The following ADD3 variants were observed in gnomAD, a reference collection of about 807,000 sequenced individuals.
ADD3 encodes gamma-adducin.
Under a neutral mutation model 80.2 loss-of-function variants are expected in ADD3, and 25 were observed. The observed-to-expected ratio is 0.31, with a 90% confidence interval of 0.23 to 0.44. The LOEUF is 0.44. ADD3 is among the 20% of genes least tolerant of loss of function. The probability of loss-of-function intolerance (pLI) is 1.00; values close to 1 mark genes in which losing one functional copy is unlikely to be tolerated. For missense variants in ADD3, 829 were observed against 847.5 expected (o/e 0.98, Z 0.27); for synonymous variants, 284 against 289.6 (o/e 0.98, Z 0.20).
intron 1 of ADD3, among the ~76,000 whole-genome samples, chr10:110,035,760 G>T (rs911038515): frequency 1.3e-5 from 2 of 152,202 alleles, no homozygotes; most frequent in African/African-American, 4.8e-5. Context: ...CACGTTACCA[G>T]GTGTTACTAT....
chr10:110,012,928 T>C (rs1852502749), intron 1 of ADD3, among the ~76,000 whole-genome samples: 1 of 152,122 alleles, frequency 6.6e-6, no homozygotes. Context: ...AGATCTAAAT[T>C]GAGCCTTTAC....
Position 110,129,757 on chromosome 10 carries a change from A to G in ADD3, c.1609-606A>G, listed in dbSNP as rs544285403. On this transcript the variant is annotated intron_variant, in intron 12 of 14. Coordinates refer to ENST00000356080, the MANE Select transcript of ADD3 (RefSeq NM_016824.5). ...CACTTGCATTCCAGCTTCCAAAAATATGTTAACATTTCTCATCCTTTGTTG... is the reference window on the plus strand; with the variant it reads ...CACTTGCATTCCAGCTTCCAAAAATGTGTTAACATTTCTCATCCTTTGTTG... 2.0e-5 allele frequency among the ~76,000 whole-genome samples: 3 copies of G among 152,276 alleles called. No individual in the cohort carries two copies. The East Asian group carries it at 5.8e-4, about 29-fold the overall frequency.
At chr10:110,004,604 C>T (rs151312939), upstream of ADD3, among the ~76,000 whole-genome samples, 55 of 151,930 alleles carry the variant, frequency 3.6e-4, no homozygotes, top group East Asian at 9.3e-3. Context: ...CCACCATGAC[C>T]GGCCAGACCC....
chr10:110,009,523 A>G (rs1463588342), intron 1 of ADD3, among the ~76,000 whole-genome samples: 3 of 152,238 alleles, frequency 2.0e-5, no homozygotes, highest in Non-Finnish European at 4.4e-5. Flanking sequence ...GGACCAACCC[A>G]TTTATAGGGT....
chr10:110,008,486 G>A (rs1379620665), intron 1 of ADD3, 187 bp downstream of exon 1: 1 of 152,474 alleles, frequency 6.6e-6, no homozygotes, highest in Non-Finnish European at 1.5e-5. Flanking sequence ...CCTTTTCCGG[G>A]GCGGGAGTGG....
At chr10:110,022,965 C>G (rs1012521948) in intron 1 of ADD3, among the ~76,000 whole-genome samples, 27 of 152,146 alleles carry the variant, frequency 1.8e-4, no homozygotes, top group African/African-American at 6.5e-4. Flanking sequence ...CCAGATCATG[C>G]AGGCCCTGGG....
intron 1 of ADD3, among the ~76,000 whole-genome samples, chr10:110,027,754 A>G (rs182767145): frequency 3.7e-4 from 56 of 152,286 alleles, no homozygotes; most frequent in African/African-American, 1.3e-3. Context: ...TGCTCCCTCT[A>G]TAATTGAAAG....
intron 1 of ADD3, chr10:110,075,506 C>CTG (rs746116008): frequency 2.0e-5 from 3 of 152,134 alleles, no homozygotes; most frequent in Non-Finnish European, 4.4e-5. Flanking sequence ...GTGAAAGCCC[C>CTG]AAAAGGAAAC....
At chr10:110,070,746 G>A (rs560193796) in intron 1 of ADD3, among the ~76,000 whole-genome samples, 1 of 152,008 alleles carries the variant, frequency 6.6e-6, no homozygotes, top group East Asian at 1.9e-4. Context: ...GATAAAGATT[G>A]GGGGGTAGGG....
At chr10:110,124,843 C>T (rs1197138478) in intron 10 of ADD3, among the ~76,000 whole-genome samples, 1 of 152,164 alleles carries the variant, frequency 6.6e-6, no homozygotes, top group Non-Finnish European at 1.5e-5. Flanking sequence ...CTAGGTCAGT[C>T]TTGTCCAGTC....
chr10:110,119,278 A>G lies in ADD3; in HGVS notation c.785A>G (p.Tyr262Cys), dbSNP rs752394118. 4.3e-6 allele frequency: 7 copies of G among 1,614,036 alleles called. No individual in the cohort carries two copies. Among genetic ancestry groups the G allele is most frequent in the East Asian group, 2.2e-5 (1 of 44,882 alleles). ...TCTCTTCTTCTGGGAGATGTTGCCTATTATGACTACCAAGGGTCACTTGAA... is the reference window on the plus strand; with the variant it reads ...TCTCTTCTTCTGGGAGATGTTGCCTGTTATGACTACCAAGGGTCACTTGAA... Reference protein sequence around the residue: ...QESLLLGDVAYYDYQGSLEEQ... With the variant: ...QESLLLGDVACYDYQGSLEEQ... Residue 262 changes from tyrosine (Y) to cysteine (C), a missense_variant, in exon 7 of 15, where the codon TAT becomes TGT. Transcript: ENST00000356080.
chr10:110,031,860 T>C (rs1175271859), intron 1 of ADD3, among the ~76,000 whole-genome samples: 1 of 152,160 alleles, frequency 6.6e-6, no homozygotes, highest in African/African-American at 2.4e-5. Flanking sequence ...ATATGATTTA[T>C]GAGAATGCAT....
At chr10:110,042,117 A>G (rs1425094495) in intron 1 of ADD3, among the ~76,000 whole-genome samples, 1 of 152,164 alleles carries the variant, frequency 6.6e-6, no homozygotes, top group Non-Finnish European at 1.5e-5. Flanking sequence ...AAACTTTGTG[A>G]TTAGATCTTT....
At chr10:110,088,626 A>T (rs1183325697) in intron 1 of ADD3, among the ~76,000 whole-genome samples, 1 of 152,196 alleles carries the variant, frequency 6.6e-6, no homozygotes, top group Non-Finnish European at 1.5e-5. Flanking sequence ...AGTTGCCTAC[A>T]GTTTTTGGAT....
At chr10:110,085,077 C>T (rs79737814) in intron 1 of ADD3, among the ~76,000 whole-genome samples, 1 of 151,996 alleles carries the variant, frequency 6.6e-6, no homozygotes, top group Non-Finnish European at 1.5e-5. Context: ...TTAATTCCCC[C>T]CCATTTTTTG....
At chr10:110,068,379 A>T (rs1452038319) in intron 1 of ADD3, among the ~76,000 whole-genome samples, 2 of 152,226 alleles carry the variant, frequency 1.3e-5, no homozygotes, top group Non-Finnish European at 2.9e-5. Context: ...CCAACCACAG[A>T]TTGAAAATAT....
At chr10:110,002,526 G>A (rs1487473687), upstream of ADD3, among the ~76,000 whole-genome samples, 3 of 151,862 alleles carry the variant, frequency 2.0e-5, no homozygotes, top group Non-Finnish European at 4.4e-5. Context: ...TGCCTACCTC[G>A]GCCTCCCAAA....
intron 1 of ADD3, among the ~76,000 whole-genome samples, chr10:110,100,033 TTG>T (rs1848623901): frequency 6.6e-6 from 1 of 151,924 alleles, no homozygotes; most frequent in African/African-American, 2.4e-5. Flanking sequence ...TCTTATCACT[TTG>T]GGAGGCCAAG....
chr10:110,094,990 A>C (rs1847986437), intron 1 of ADD3, among the ~76,000 whole-genome samples: 1 of 152,212 alleles, frequency 6.6e-6, no homozygotes, highest in Admixed American at 6.5e-5. Context: ...TAAGTTTGGA[A>C]AGATTTTTTT....
Sources: allele counts gnomAD v4.1 joint callset (sites outside exome capture counted in the v4.1 genomes callset), GRCh38; gene constraint gnomAD v4.1.1; transcripts MANE v1.5; gene names NCBI Gene and HGNC (gene_info 2026-07-23, HGNC 2026-07-21).